Variants in GTPBP1 observed in about 807,000 individuals in gnomAD.
GTPBP1 encodes the protein GTP-binding protein 1.
GTPBP1 carries 23 observed loss-of-function variants against 62.0 expected under a neutral mutation model. The ratio of observed to expected loss-of-function variants is 0.37; its 90% CI spans 0.27 to 0.53. The LOEUF is 0.53. GTPBP1 is among the 20% of genes least tolerant of loss of function. GTPBP1 has a pLI of 0.89. For synonymous variants in GTPBP1, 344 were observed against 364.4 expected (o/e 0.94, Z 0.64); for missense variants, 640 against 917.3 (o/e 0.70, Z 3.90).
intron 1 of GTPBP1, among the ~76,000 whole-genome samples, chr22:38,708,134 A>G (rs771735715): frequency 3.3e-5 from 5 of 152,222 alleles, no homozygotes; most frequent in Non-Finnish European, 4.4e-5. Context: ...CGTTTTATAG[A>G]TTGAAAAACT....
chr22:38,726,951 A>C lies in GTPBP1; in HGVS notation c.1402-262A>C, dbSNP rs944887502. Among the ~76,000 whole-genome samples the C allele has an allele frequency of 6.6e-5, 10 of 152,054 alleles. No individual in the cohort carries two copies. Among genetic ancestry groups the C allele is most frequent in the African/African-American group, 2.4e-4 (10 of 41,388 alleles). On this transcript the variant is annotated intron_variant, in intron 8 of 11. Coordinates refer to ENST00000216044, the MANE Select transcript of GTPBP1 (RefSeq NM_004286.5). The surrounding 1 kb of genome is among the most constrained non-coding windows in gnomAD (Gnocchi z 4.1). ...AATGCTTGCCTGCCTTTGCTTCCTC[A>C]TGCGTCCTTCATGGCCGAGCAGCTG... is the stretch of plus-strand genomic sequence containing the variant.
chr22:38,737,574 G>C (rs968681242), downstream of GTPBP1, among the ~76,000 whole-genome samples: 2 of 152,076 alleles, frequency 1.3e-5, no homozygotes, highest in African/African-American at 4.8e-5. The surrounding 1 kb of genome is among the most constrained non-coding windows in gnomAD (Gnocchi z 4.1). Context: ...CTGCCTCTCT[G>C]TGGCCTCCTC....
downstream of GTPBP1, chr22:38,737,904 A>T (rs1234675849): frequency 1.5e-6 from 1 of 649,770 alleles, no homozygotes; most frequent in Non-Finnish European, 2.9e-6. This position sits in a 1 kb window ranked among gnomAD's most constrained non-coding sequence, Gnocchi z 4.1. Context: ...TTTCCTGGCC[A>T]CCCAACCCCT....
rs575399368 is a variant in GTPBP1, at chr22:38,716,312, G to A, written c.485+225G>A. 3.9e-4 allele frequency: 231 copies of A among 590,100 alleles called. 5 individuals carry two copies. The South Asian group carries it at 4.6e-3, about 12-fold the overall frequency. The allele number at this position is 590,100 out of a possible 1,614,324, so 36.6% of individuals were successfully genotyped here. ...TGCATTCTGTGGCCATTCTCTGTGGGTGTGTTTCTTTTCCCTTCAGCCTGT... is the reference window on the plus strand; with the variant it reads ...TGCATTCTGTGGCCATTCTCTGTGGATGTGTTTCTTTTCCCTTCAGCCTGT... On this transcript the variant is annotated intron_variant, in intron 3 of 11. Transcript: ENST00000216044. This position sits in a 1 kb window ranked among gnomAD's most constrained non-coding sequence, Gnocchi z 5.2.
At chr22:38,735,525 C>A, downstream of GTPBP1, 1 of 264,388 alleles carries the variant, frequency 3.8e-6, no homozygotes, top group Non-Finnish European at 7.6e-6. Flanking sequence ...GCAGGGTGGG[C>A]CCCAACCTAG....
rs1049343777 is a variant in GTPBP1, at chr22:38,716,167, G to A, written c.485+80G>A. On this transcript the variant is annotated intron_variant, in intron 3 of 11. Transcript: ENST00000216044. This position sits in a 1 kb window ranked among gnomAD's most constrained non-coding sequence, Gnocchi z 5.2. ...TGAGCCTGTGGCACTTGGCGTGTCAGCTCCATCCTTTCCCCTCCTGAGGCG... is the reference window on the plus strand; with the variant it reads ...TGAGCCTGTGGCACTTGGCGTGTCAACTCCATCCTTTCCCCTCCTGAGGCG... 8.7e-7 allele frequency: 1 copy of A among 1,155,856 alleles called. No individual in the cohort carries two copies. The highest frequency in any genetic ancestry group is 1.3e-6 in the Non-Finnish European group (1 of 793,566). 71.6% of individuals were successfully genotyped at this position (1,155,856 alleles called of 1,614,324 possible).
intron 5 of GTPBP1, chr22:38,722,662 A>G: frequency 6.5e-7 from 1 of 1,536,192 alleles, no homozygotes; most frequent in East Asian, 2.3e-5. Context: ...TCTACAGATA[A>G]TCATCTATAA....
chr22:38,724,755 G>T lies in GTPBP1; in HGVS notation c.1073+344G>T, dbSNP rs147753204. Among the ~76,000 whole-genome samples the T allele has an allele frequency of 3.2e-3, 485 of 152,286 alleles. 5 individuals are homozygous for T. Among genetic ancestry groups the T allele is most frequent in the African/African-American group, 0.011 (463 of 41,560 alleles). On this transcript the variant is annotated intron_variant, in intron 6 of 11. Coordinates refer to ENST00000216044, the MANE Select transcript of GTPBP1 (RefSeq NM_004286.5). The stretch of plus-strand genomic sequence containing the variant: ...CCCGTGAATGTTGGAAATGAAGTAT[G>T]TAGAGCACTTAATGCCCTGCCTGGC...
rs1441823699 is a variant in GTPBP1 at position 38,727,587 on chromosome 22, T to G, written c.1537+239T>G. 2.0e-5 allele frequency among the ~76,000 whole-genome samples: 3 copies of G among 152,146 alleles called. No individual in the cohort carries two copies. Among genetic ancestry groups the G allele is most frequent in the African/African-American group, 4.8e-5 (2 of 41,422 alleles). On this transcript the variant is annotated intron_variant, in intron 9 of 11. Transcript: ENST00000216044. This position sits in a 1 kb window ranked among gnomAD's most constrained non-coding sequence, Gnocchi z 6.5. ...CCTCAGGGACCTCACATGCAATCCT[T>G]CAGCAAGGTCTGCTGAACGCTGCTA...
At chr22:38,735,126 TG>T, downstream of GTPBP1, 1 of 406,202 alleles carries the variant, frequency 2.5e-6, no homozygotes. Context: ...CATAATACAG[TG>T]GGGCCTGCTG....
chr22:38,726,029 C>A lies in GTPBP1; in HGVS notation c.1097C>A (p.Ser366Tyr). Residue 366 changes from serine (S) to tyrosine (Y), a missense_variant, in exon 7 of 12, where the codon TCC (serine) becomes TAC (tyrosine). Physicochemically the swap from Ser to Tyr is moderately radical, Grantham distance 144. Around this residue, in one of 4 missense-constraint regions of GTPBP1, gnomAD observed 220 missense variants for 358.1 expected, o/e 0.61. Coordinates refer to ENST00000216044, the MANE Select transcript of GTPBP1 (RefSeq NM_004286.5). This position sits in a 1 kb window ranked among gnomAD's most constrained non-coding sequence, Gnocchi z 4.1. ...SERMCPIFQI[S>Y]NVTGENLDLL... ...AGGATGTGCCCGATATTCCAGATCT[C>A]CAACGTTACAGGCGAGAACCTAGAT... 1 of 1,614,076 alleles carries A rather than the reference C, an allele frequency of 6.2e-7. No individual in the cohort carries two copies. Among genetic ancestry groups the A allele is most frequent in the Non-Finnish European group, 8.5e-7 (1 of 1,179,998 alleles).
chr22:38,707,015 A>G (rs56219451), intron 1 of GTPBP1, among the ~76,000 whole-genome samples: 7,003 of 152,326 alleles, frequency 0.046, 223 homozygotes, highest in Non-Finnish European at 0.065. Flanking sequence ...CTGCCCTACC[A>G]TCGAAAGGCT....
chr22:38,709,002 C>T (rs1035187767), intron 2 of GTPBP1, 46 bp downstream of exon 2: 67 of 1,208,306 alleles, frequency 5.5e-5, no homozygotes, highest in East Asian at 4.9e-4. Flanking sequence ...ATTATTGGGC[C>T]GGGTGCGGTG....
At chr22:38,709,981 A>G (rs1182834431) in intron 2 of GTPBP1, among the ~76,000 whole-genome samples, 1 of 152,216 alleles carries the variant, frequency 6.6e-6, no homozygotes, top group South Asian at 2.1e-4. Context: ...AGCAACTTCA[A>G]TACAAGACCT....
downstream of GTPBP1, chr22:38,740,203 C>A: frequency 6.8e-7 from 1 of 1,468,750 alleles, no homozygotes; most frequent in South Asian, 1.4e-5. This position sits in a 1 kb window ranked among gnomAD's most constrained non-coding sequence, Gnocchi z 4.8. Flanking sequence ...TTTGCAGGCC[C>A]CAGGACACGT....
chr22:38,735,050 C>T (rs770279101), downstream of GTPBP1: 2 of 320,842 alleles, frequency 6.2e-6, no homozygotes, highest in Non-Finnish European at 6.1e-6. Context: ...CAGTGCCCCA[C>T]AGAACGGGGC....
downstream of GTPBP1, chr22:38,736,050 G>T (rs2092801883): frequency 1.6e-6 from 1 of 606,596 alleles, no homozygotes; most frequent in Non-Finnish European, 3.0e-6. Context: ...GACGCCACGG[G>T]CACAGAGGGA....
downstream of GTPBP1, chr22:38,741,540 T>G: frequency 1.9e-6 from 3 of 1,614,086 alleles, no homozygotes; most frequent in East Asian, 6.7e-5. Flanking sequence ...TGAGTCTTGC[T>G]GATGCTCTGC....
At chr22:38,713,636 G>A (rs1164265758) in intron 2 of GTPBP1, among the ~76,000 whole-genome samples, 2 of 152,156 alleles carry the variant, frequency 1.3e-5, no homozygotes, top group Non-Finnish European at 2.9e-5. Flanking sequence ...AAAAGGCTCT[G>A]GTTTTGGAAT....
Sources: gnomAD v4.1 joint callset for allele counts (sites outside exome capture counted in the v4.1 genomes callset) on GRCh38, gnomAD v4.1.1 for gene constraint, gnomAD v4.1.1 regional missense constraint, Gnocchi (gnomAD v3.1) non-coding constraint, MANE v1.5 for transcripts, NCBI Gene and HGNC (gene_info 2026-07-23, HGNC 2026-07-21) for gene names.